ADGRV1: variants seen among roughly 807,000 people sequenced by gnomAD.
ADGRV1 encodes the protein G-protein coupled receptor 98.
In ADGRV1, 359 loss-of-function variants were observed where a neutral mutation model predicts 596.2. The ratio of observed to expected loss-of-function variants is 0.60; its 90% CI spans 0.55 to 0.66. ADGRV1 has a LOEUF of 0.66. Among genes scored for constraint, ADGRV1 ranks in the 30% least tolerant of loss-of-function variants. ADGRV1 has a pLI of 0.00. For synonymous variants in ADGRV1, 2,681 were observed against 2,679.2 expected (o/e 1.00, Z -0.02); for missense variants, 7,274 against 7,575.6 (o/e 0.96, Z 1.48).
chr5:91,079,455 G>A (rs1789146250), intron 86 of ADGRV1, among the ~76,000 whole-genome samples: 1 of 152,180 alleles, frequency 6.6e-6, no homozygotes, highest in Admixed American at 6.5e-5. Context: ...AAGATGATGT[G>A]TAGTCATTCA....
intron 86 of ADGRV1, among the ~76,000 whole-genome samples, chr5:91,079,550 A>G (rs1789157084): frequency 6.6e-6 from 1 of 152,226 alleles, no homozygotes; most frequent in African/African-American, 2.4e-5. Context: ...TAACATCAGG[A>G]GTTGCCTAAG....
intron 73 of ADGRV1, among the ~76,000 whole-genome samples, chr5:90,809,005 G>A (rs796686647): frequency 4.3e-4 from 64 of 149,010 alleles, no homozygotes; most frequent in African/African-American, 1.4e-3. Context: ...GGACTGTAGT[G>A]GTGCTAGCTC....
chr5:90,819,992 A>G (rs1459980180), intron 75 of ADGRV1, among the ~76,000 whole-genome samples: 1 of 150,008 alleles, frequency 6.7e-6, no homozygotes, highest in Non-Finnish European at 1.5e-5. Flanking sequence ...TGTCTCGTTG[A>G]TCTGTCTAAT....
intron 84 of ADGRV1, among the ~76,000 whole-genome samples, chr5:90,969,975 C>T (rs1010689677): frequency 6.6e-6 from 1 of 152,206 alleles, no homozygotes. Context: ...CCTTTCCTAG[C>T]CAAGGGAAGG....
At chr5:91,049,203 C>T (rs1391990727) in intron 85 of ADGRV1, among the ~76,000 whole-genome samples, 1 of 152,148 alleles carries the variant, frequency 6.6e-6, no homozygotes, top group African/African-American at 2.4e-5. Context: ...TTCTCCTTTA[C>T]CCTAGAGTTT....
At chr5:90,834,576 TA>T (rs1335274786) in intron 77 of ADGRV1, among the ~76,000 whole-genome samples, 1 of 151,556 alleles carries the variant, frequency 6.6e-6, no homozygotes, top group Non-Finnish European at 1.5e-5. Flanking sequence ...TTTTTTTTTT[TA>T]AATCCTTAAC....
intron 87 of ADGRV1, among the ~76,000 whole-genome samples, chr5:91,142,156 G>A (rs898897039): frequency 2.0e-5 from 3 of 152,160 alleles, no homozygotes; most frequent in Non-Finnish European, 2.9e-5. Context: ...ACATCCCTCA[G>A]ACCCATGACT....
chr5:91,111,300 T>C (rs944644013), intron 87 of ADGRV1, among the ~76,000 whole-genome samples: 13 of 152,214 alleles, frequency 8.5e-5, no homozygotes, highest in Non-Finnish European at 1.5e-4. Flanking sequence ...CTCTCGTTGC[T>C]ATATGTTGAA....
chr5:90,791,092 T>G lies in ADGRV1; in HGVS notation c.14263T>G (p.Tyr4755Asp). Reference sequence around the variant, plus strand: ...GAAGAGTATCACATGGTTCTCTGTTTATGCAAATGATGACCCACATGGAGT... The same window carrying G: ...GAAGAGTATCACATGGTTCTCTGTTGATGCAAATGATGACCCACATGGAGT... ...LEKSITWFSV[Y>D]ANDDPHGVFA... The change falls in exon 70 of 90, where the codon TAT becomes GAT. Residue 4755 changes from tyrosine to aspartate, a missense_variant. This residue lies in a region of ADGRV1 where 1,874 missense variants were observed against 1,970.2 expected (regional missense o/e 0.95). Coordinates refer to ENST00000405460, the MANE Select transcript of ADGRV1 (RefSeq NM_032119.4). 5 of 1,613,972 alleles carry G rather than the reference T, an allele frequency of 3.1e-6. No individual in the cohort carries two copies. Among genetic ancestry groups the G allele is most frequent in the Non-Finnish European group, 2.5e-6 (3 of 1,179,878 alleles).
chr5:90,829,572 C>A (rs1435238122), intron 77 of ADGRV1, among the ~76,000 whole-genome samples: 1 of 152,036 alleles, frequency 6.6e-6, no homozygotes, highest in East Asian at 1.9e-4. Flanking sequence ...TTTTTCAGAA[C>A]CTCCAACACT....
intron 85 of ADGRV1, among the ~76,000 whole-genome samples, chr5:90,988,272 A>G (rs1448620977): frequency 6.6e-6 from 1 of 152,184 alleles, no homozygotes; most frequent in Non-Finnish European, 1.5e-5. Flanking sequence ...ATTTCATTAT[A>G]CATAGTTCAG....
rs775992834 is a variant in ADGRV1, at chr5:90,784,094, T to G, written c.13653+37T>G. 32 of 1,363,804 alleles carry G rather than the reference T, an allele frequency of 2.3e-5. No individual in the cohort carries two copies. In the African/African-American group the frequency reaches 3.0e-4, roughly 13 times the overall value. 84.5% of individuals were successfully genotyped at this position (1,363,804 alleles called of 1,614,324 possible). The stretch of plus-strand genomic sequence containing the variant: ...TTCCCCATGACTTTAAATATAATTT[T>G]TGATAGACTGAGTATGGTAGTGTGT... On this transcript the variant is annotated intron_variant, in intron 67 of 89. Coordinates refer to ENST00000405460, the MANE Select transcript of ADGRV1 (RefSeq NM_032119.4).
At chr5:91,081,803 A>C (rs1789410007) in intron 86 of ADGRV1, among the ~76,000 whole-genome samples, 1 of 152,178 alleles carries the variant, frequency 6.6e-6, no homozygotes, top group Admixed American at 6.5e-5. Context: ...AAATAAATAA[A>C]TAAAAATTTA....
intron 85 of ADGRV1, among the ~76,000 whole-genome samples, chr5:90,997,330 A>C (rs889506101): frequency 6.6e-6 from 1 of 151,984 alleles, no homozygotes; most frequent in African/African-American, 2.4e-5. Context: ...TAGAGTTCTC[A>C]TGAGATCTGG....
chr5:90,624,059 A>G (rs1156466919), intron 5 of ADGRV1, among the ~76,000 whole-genome samples: 1 of 152,226 alleles, frequency 6.6e-6, no homozygotes, highest in African/African-American at 2.4e-5. Flanking sequence ...TATCAATAAA[A>G]TGGAAGCATA....
At chr5:90,564,396 G>A (rs2151943023) in intron 1 of ADGRV1, among the ~76,000 whole-genome samples, 1 of 152,182 alleles carries the variant, frequency 6.6e-6, no homozygotes, top group Admixed American at 6.5e-5. Flanking sequence ...AGTGGAAAAA[G>A]GTAGAGAGGA....
intron 89 of ADGRV1, among the ~76,000 whole-genome samples, chr5:91,158,407 T>TA (rs1323565166): frequency 6.6e-6 from 1 of 152,198 alleles, no homozygotes; most frequent in Non-Finnish European, 1.5e-5. Flanking sequence ...AGAAAACCCT[T>TA]AAAAACCAAA....
At chr5:91,055,754 G>A (rs986280511) in intron 85 of ADGRV1, among the ~76,000 whole-genome samples, 4 of 152,206 alleles carry the variant, frequency 2.6e-5, no homozygotes, top group African/African-American at 9.6e-5. Context: ...CCAACCCAGT[G>A]AGATTAGTCT....
rs561505013 is a variant in ADGRV1 at position 90,997,934 on chromosome 5, CA to C, written c.18152+12413del. ...AGAGCAGGGGACAATAAGTGAGAGC[CA>C]TATGTATAAGTCTATGAATGTGTGT... On this transcript the variant is annotated intron_variant, in intron 85 of 89. Coordinates refer to ENST00000405460, the MANE Select transcript of ADGRV1 (RefSeq NM_032119.4). Among the ~76,000 whole-genome samples, 5 of 152,158 alleles carry C rather than the reference CA, an allele frequency of 3.3e-5. No individual in the cohort carries two copies. The South Asian group carries it at 1.0e-3, about 32-fold the overall frequency.
Sources: allele counts gnomAD v4.1 joint callset (sites outside exome capture counted in the v4.1 genomes callset), GRCh38; gene constraint gnomAD v4.1.1; regional missense constraint gnomAD v4.1.1; transcripts MANE v1.5; gene names NCBI Gene and HGNC (gene_info 2026-07-23, HGNC 2026-07-21).